The following TBC1D5 variants were observed in gnomAD, a reference collection of about 807,000 sequenced individuals.
TBC1D5 encodes TBC1 domain family, member 5.
In TBC1D5, 75 loss-of-function variants were observed where a neutral mutation model predicts 100.3. The ratio of observed to expected loss-of-function variants is 0.75; its 90% CI spans 0.62 to 0.91. TBC1D5 has a LOEUF of 0.91. TBC1D5 is among the 40% of genes least tolerant of loss of function. The pLI, the probability that TBC1D5 is intolerant of heterozygous loss-of-function variation, is 0.00. For synonymous variants in TBC1D5, 323 were observed against 325.6 expected (o/e 0.99, Z 0.09); for missense variants, 910 against 942.4 (o/e 0.97, Z 0.45).
chr3:17,669,655 T>C (rs535747957), intron 1 of TBC1D5, among the ~76,000 whole-genome samples: 212 of 152,260 alleles, frequency 1.4e-3, no homozygotes, highest in Non-Finnish European at 2.7e-3. Flanking sequence ...AATACGTTAA[T>C]ACATATAAAA....
chr3:17,713,225 T>C (rs2074915744), intron 1 of TBC1D5, among the ~76,000 whole-genome samples: 1 of 151,890 alleles, frequency 6.6e-6, no homozygotes, highest in Non-Finnish European at 1.5e-5. Flanking sequence ...TTTAAATTAT[T>C]GTGTTTTTCT....
chr3:17,385,696 T>G (rs532305469), intron 8 of TBC1D5, among the ~76,000 whole-genome samples: 1 of 152,172 alleles, frequency 6.6e-6, no homozygotes, highest in African/African-American at 2.4e-5. Context: ...TTTTTTGTTT[T>G]TTTTTTCCTA....
intron 15 of TBC1D5, among the ~76,000 whole-genome samples, chr3:17,275,120 G>C (rs2149766237): frequency 6.6e-6 from 1 of 152,234 alleles, no homozygotes; most frequent in East Asian, 1.9e-4. Context: ...TTTCCAATTT[G>C]CCTCTTCAGA....
At chr3:17,438,720 C>A (rs558546537) in intron 3 of TBC1D5, among the ~76,000 whole-genome samples, 1 of 152,270 alleles carries the variant, frequency 6.6e-6, no homozygotes, top group South Asian at 2.1e-4. Flanking sequence ...ATTTGTCCTT[C>A]ACTCCAATTT....
At chr3:17,452,532 T>C (rs1304368648) in intron 3 of TBC1D5, among the ~76,000 whole-genome samples, 1 of 152,118 alleles carries the variant, frequency 6.6e-6, no homozygotes, top group Non-Finnish European at 1.5e-5. Context: ...AAAGTAGTTA[T>C]ACTTACATCA....
exon 6 of TBC1D5, chr3:17,404,895 A>C: frequency 6.3e-7 from 1 of 1,597,858 alleles, no homozygotes; most frequent in Non-Finnish European, 8.5e-7. Flanking sequence ...TTGCTATACC[A>C]TGCTCTTAAT....
chr3:17,729,971 C>T (rs1209346673), intron 1 of TBC1D5, among the ~76,000 whole-genome samples: 3 of 151,712 alleles, frequency 2.0e-5, no homozygotes, highest in Non-Finnish European at 4.4e-5. Context: ...ATTAGTCGGG[C>T]GTGGTGGCAG....
intron 1 of TBC1D5, among the ~76,000 whole-genome samples, chr3:17,634,642 A>G (rs1354740161): frequency 2.6e-5 from 4 of 151,980 alleles, no homozygotes; most frequent in Non-Finnish European, 5.9e-5. Flanking sequence ...AAAAAAAAAA[A>G]AAAGTGAATA....
chr3:17,628,091 G>A (rs950633401), intron 1 of TBC1D5, among the ~76,000 whole-genome samples: 13 of 151,764 alleles, frequency 8.6e-5, no homozygotes, highest in Admixed American at 3.9e-4. Flanking sequence ...ACACTCCGCC[G>A]GGTGTGGTGG....
chr3:17,570,236 T>G (rs1467292651), intron 2 of TBC1D5, among the ~76,000 whole-genome samples: 1 of 151,992 alleles, frequency 6.6e-6, no homozygotes, highest in Non-Finnish European at 1.5e-5. Flanking sequence ...ATACAATATA[T>G]AAATTTGAAG....
intron 3 of TBC1D5, among the ~76,000 whole-genome samples, chr3:17,433,651 C>T (rs113904762): frequency 0.065 from 9,914 of 151,964 alleles, 625 homozygotes; most frequent in African/African-American, 0.17. Context: ...ATCACTGTAC[C>T]CCCTCCCAAA....
intron 1 of TBC1D5, among the ~76,000 whole-genome samples, chr3:17,698,441 T>C (rs903950461): frequency 1.3e-5 from 2 of 151,888 alleles, no homozygotes; most frequent in African/African-American, 4.8e-5. Context: ...ATAAAAACCC[T>C]AGAAGAAAAC....
chr3:17,615,313 G>A (rs772823615), intron 2 of TBC1D5, among the ~76,000 whole-genome samples: 6 of 152,122 alleles, frequency 3.9e-5, no homozygotes, highest in Non-Finnish European at 5.9e-5. Flanking sequence ...TTTTTGCATC[G>A]ATGATCATCA....
chr3:17,618,139 T>C (rs1219888891), intron 2 of TBC1D5, among the ~76,000 whole-genome samples: 1 of 152,194 alleles, frequency 6.6e-6, no homozygotes, highest in Non-Finnish European at 1.5e-5. Context: ...TTGTTAGTTT[T>C]CCTTCTAACA....
At chr3:17,194,652 C>T (rs747261839) in intron 18 of TBC1D5, among the ~76,000 whole-genome samples, 9 of 152,098 alleles carry the variant, frequency 5.9e-5, no homozygotes, top group Non-Finnish European at 1.3e-4. Flanking sequence ...AAAAATACTT[C>T]CATAATTCAT....
At chr3:17,732,131 A>G (rs2076610521) in intron 1 of TBC1D5, among the ~76,000 whole-genome samples, 1 of 152,020 alleles carries the variant, frequency 6.6e-6, no homozygotes, top group African/African-American at 2.4e-5. Flanking sequence ...CAGCCTGGCC[A>G]ATGTGGTGAA....
chr3:17,673,593 G>A (rs113771403), intron 1 of TBC1D5, among the ~76,000 whole-genome samples: 3,985 of 151,840 alleles, frequency 0.026, 167 homozygotes, highest in African/African-American at 0.09. Context: ...TGGATTACAA[G>A]CATGAGTTAC....
At chr3:17,447,745 T>C (rs1279565590) in intron 3 of TBC1D5, among the ~76,000 whole-genome samples, 1 of 152,228 alleles carries the variant, frequency 6.6e-6, no homozygotes, top group Non-Finnish European at 1.5e-5. Context: ...GTCATTGATA[T>C]ATACATCCTA....
At chr3:17,463,259 CAGT>C (rs1329421890) in intron 3 of TBC1D5, among the ~76,000 whole-genome samples, 1 of 152,122 alleles carries the variant, frequency 6.6e-6, no homozygotes, top group Non-Finnish European at 1.5e-5. Context: ...AGCATTCTGA[CAGT>C]AGGATAGGAA....
Sources: allele counts gnomAD v4.1 joint callset (sites outside exome capture counted in the v4.1 genomes callset), GRCh38; gene constraint gnomAD v4.1.1; transcripts MANE v1.5; gene names NCBI Gene and HGNC (gene_info 2026-07-23, HGNC 2026-07-21).